YME1L1: variants seen among roughly 807,000 people sequenced by gnomAD.
YME1L1 encodes ATP-dependent zinc metalloprotease YME1L1.
YME1L1 carries 39 observed loss-of-function variants against 90.4 expected under a neutral mutation model. The ratio of observed to expected loss-of-function variants is 0.43; its 90% CI spans 0.33 to 0.56. YME1L1 has a LOEUF of 0.56. YME1L1 is among the 20% of genes least tolerant of loss of function. The pLI, the probability that YME1L1 is intolerant of heterozygous loss-of-function variation, is 0.03. For synonymous variants in YME1L1, 284 were observed against 287.3 expected (o/e 0.99, Z 0.12); for missense variants, 617 against 868.4 (o/e 0.71, Z 3.64).
chr10:27,142,754 C>T (rs1446025164), intron 3 of YME1L1, among the ~76,000 whole-genome samples: 3 of 152,140 alleles, frequency 2.0e-5, no homozygotes, highest in African/African-American at 4.8e-5. Flanking sequence ...CCCGCTCTGT[C>T]GCCCAGGCTG....
chr10:27,154,349 T>G lies in YME1L1; in HGVS notation c.-139A>C, dbSNP rs1390633606. On this transcript the variant is annotated 5_prime_UTR_variant, in exon 1 of 19. Transcript: ENST00000376016. The stretch of plus-strand genomic sequence containing the variant: ...CCTCACTCCTCCCAGAAACGGAAAA[T>G]GGCCTCCCCTTCCTACAGCTACTGC... The G allele has an allele frequency of 5.0e-6, 5 of 999,546 alleles. No homozygotes were observed. Among genetic ancestry groups the G allele is most frequent in the Non-Finnish European group, 7.3e-6 (5 of 682,158 alleles). The allele number at this position is 999,546 out of a possible 1,614,324, so 61.9% of individuals were successfully genotyped here.
intron 3 of YME1L1, among the ~76,000 whole-genome samples, chr10:27,145,135 C>G (rs916815254): frequency 6.6e-6 from 1 of 151,392 alleles, no homozygotes; most frequent in African/African-American, 2.4e-5. Flanking sequence ...AAGGAGACTC[C>G]GTCTCAAAAA....
chr10:27,111,395 C>T lies in YME1L1; in HGVS notation c.*582G>A, dbSNP rs2056757378. Reference sequence around the variant, plus strand: ...TTTTAGTAGAGACAGCGTTTCACCACGTTGGCCAGGCTGGTCTCGAACTCC... The same window carrying T: ...TTTTAGTAGAGACAGCGTTTCACCATGTTGGCCAGGCTGGTCTCGAACTCC... On this transcript the variant is annotated 3_prime_UTR_variant, in exon 19 of 19. Transcript: ENST00000376016. 1.9e-5 allele frequency: 3 copies of T among 158,472 alleles called. No homozygotes were observed. Among genetic ancestry groups the T allele is most frequent in the South Asian group, 1.8e-4 (1 of 5,500 alleles). The allele number at this position is 158,472 out of a possible 1,614,324, so 9.8% of individuals were successfully genotyped here. A position where few individuals can be genotyped will look rare whatever the true frequency, so the allele number is the denominator to read the frequency against.
chr10:27,114,928 G>A (rs2056796340), intron 17 of YME1L1, among the ~76,000 whole-genome samples: 1 of 152,216 alleles, frequency 6.6e-6, no homozygotes, highest in South Asian at 2.1e-4. Context: ...TCAGGAGGCT[G>A]AGGCAGGAGA....
intron 8 of YME1L1, among the ~76,000 whole-genome samples, chr10:27,131,137 C>T (rs1399906318): frequency 6.6e-6 from 1 of 152,162 alleles, no homozygotes. Flanking sequence ...CTCCATCAAT[C>T]ACACCTTGAA....
chr10:27,127,356 A>T (rs1392457615), intron 8 of YME1L1, among the ~76,000 whole-genome samples: 1 of 152,186 alleles, frequency 6.6e-6, no homozygotes, highest in Non-Finnish European at 1.5e-5. Context: ...CAGAGTATTT[A>T]AAAAAATACA....
At chr10:27,136,166 G>A in intron 5 of YME1L1, 110 bp downstream of exon 5, 1 of 868,492 alleles carries the variant, frequency 1.2e-6, no homozygotes, top group Non-Finnish European at 1.8e-6. Context: ...TATTATTAGT[G>A]GAAAGAAGGA....
chr10:27,111,188 T>A lies in YME1L1; in HGVS notation c.*789A>T, dbSNP rs968227972. The stretch of plus-strand genomic sequence containing the variant: ...CTCCTGCCTTGGCCCCCAGAGTAGC[T>A]GGGATTATAAGCACCTGCCACCATG... On this transcript the variant is annotated 3_prime_UTR_variant, in exon 19 of 19. Transcript: ENST00000376016. 7 of 152,574 alleles carry A rather than the reference T, an allele frequency of 4.6e-5. No homozygotes were observed. The highest frequency in any genetic ancestry group is 1.7e-4 in the African/African-American group (7 of 41,582). The allele number at this position is 152,574 out of a possible 1,614,324, so 9.5% of individuals were successfully genotyped here. A position where few individuals can be genotyped will look rare whatever the true frequency, so the allele number is the denominator to read the frequency against.
intron 2 of YME1L1, chr10:27,147,680 G>C (rs748815989): frequency 2.6e-6 from 4 of 1,551,210 alleles, no homozygotes; most frequent in South Asian, 2.4e-5. Context: ...TGTAGGAAGA[G>C]AGGTTTTGAT....
intron 1 of YME1L1, among the ~76,000 whole-genome samples, chr10:27,150,763 T>C (rs555911553): frequency 6.6e-6 from 1 of 152,170 alleles, no homozygotes; most frequent in Non-Finnish European, 1.5e-5. Context: ...TGAAAACTTA[T>C]GAATAATCAC....
intron 4 of YME1L1, 43 bp downstream of exon 4, chr10:27,142,344 A>T: frequency 8.6e-7 from 1 of 1,167,236 alleles, no homozygotes; most frequent in Non-Finnish European, 1.2e-6. Context: ...ACTATAGTAA[A>T]TAAATATTTT....
At chr10:27,123,024 G>T in intron 10 of YME1L1, 51 bp from the exon 11 acceptor site, 1 of 1,573,848 alleles carries the variant, frequency 6.4e-7, no homozygotes, top group South Asian at 1.2e-5. Context: ...CAACACTTTT[G>T]AACAAAACGA....
At chr10:27,113,257 A>AAAAAAAAAAAC (rs2056777546) in intron 18 of YME1L1, among the ~76,000 whole-genome samples, 1 of 96,972 alleles carries the variant, frequency 1.0e-5, no homozygotes, top group Non-Finnish European at 2.0e-5. Flanking sequence ...AAAAAAAAAA[A>AAAAAAAAAAAC]AAAAAAGACC....
chr10:27,131,257 A>G (rs1490286042), intron 8 of YME1L1, among the ~76,000 whole-genome samples: 2 of 152,276 alleles, frequency 1.3e-5, no homozygotes, highest in East Asian at 1.9e-4. Context: ...ACTTTTTCTT[A>G]CATCACATAT....
rs768397040 is a variant in YME1L1 at position 27,120,560 on chromosome 10, T to G, written c.1299-13A>C. The G allele has an allele frequency of 6.3e-7, 1 of 1,592,752 alleles. No homozygotes were observed. Among genetic ancestry groups the G allele is most frequent in the East Asian group, 2.2e-5 (1 of 44,594 alleles). On this transcript the variant is annotated splice_polypyrimidine_tract_variant and intron_variant, in intron 12 of 18. Transcript: ENST00000376016. ...ACGTATTAAGGCACTACAGGAAGAA[T>G]GCAAAAGGAAAATATAAATTAAAAC... is the stretch of plus-strand genomic sequence containing the variant.
At position 27,121,430 on chromosome 10, in the gene YME1L1, T is replaced by C; in HGVS notation, c.1254A>G (p.Gly418=). The C allele has an allele frequency of 6.2e-7, 1 of 1,604,110 alleles. No homozygotes were observed. Among genetic ancestry groups the C allele is most frequent in the Admixed American group, 1.7e-5 (1 of 59,964 alleles). ...AGTTTGTGGCTCCTATTATGATAAC[T>C]CCTTCATTGGGTTTAAAACTATATT... The part of the protein sequence containing the change: ...AEMDGFKPNE[G]VIIIGATNFP... Residue 418 remains glycine, a synonymous_variant, in exon 12 of 19, where the codon GGA becomes GGG. Coordinates refer to ENST00000376016, the MANE Select transcript of YME1L1 (RefSeq NM_014263.4).
At chr10:27,123,387 A>G (rs940339324) in intron 10 of YME1L1, among the ~76,000 whole-genome samples, 160 bp downstream of exon 10, 4 of 152,194 alleles carry the variant, frequency 2.6e-5, no homozygotes, top group African/African-American at 9.6e-5. Flanking sequence ...CACAATGGCT[A>G]TTTTAACTAT....
intron 18 of YME1L1, 129 bp from the exon 19 acceptor site, chr10:27,112,249 T>A: frequency 2.3e-6 from 2 of 865,672 alleles, no homozygotes; most frequent in Non-Finnish European, 3.4e-6. Flanking sequence ...TAAAATCATG[T>A]AGAATCTTGA....
intron 4 of YME1L1, among the ~76,000 whole-genome samples, chr10:27,139,016 GACTT>G (rs1408776309): frequency 6.6e-6 from 1 of 151,840 alleles, no homozygotes; most frequent in Non-Finnish European, 1.5e-5. Flanking sequence ...ATGATAAATT[GACTT>G]ACTAATAATC....
Sources: gnomAD v4.1 joint callset for allele counts (sites outside exome capture counted in the v4.1 genomes callset) on GRCh38, gnomAD v4.1.1 for gene constraint, MANE v1.5 for transcripts, NCBI Gene and HGNC (gene_info 2026-07-23, HGNC 2026-07-21) for gene names.